PRKN: variants seen among roughly 807,000 people sequenced by gnomAD.
PRKN encodes parkin RBR E3 ubiquitin protein ligase, also known as E3 ubiquitin-protein ligase parkin.
Under a neutral mutation model 59.5 loss-of-function variants are expected in PRKN, and 56 were observed. The ratio of observed to expected loss-of-function variants is 0.94; its 90% CI spans 0.76 to 1.18. The LOEUF (loss-of-function observed/expected upper bound fraction) is 1.18, where lower values mean the gene tolerates loss of function less well. PRKN is among the 50% of genes most tolerant of loss of function. The probability of loss-of-function intolerance (pLI) is 0.00; values close to 1 mark genes in which losing one functional copy is unlikely to be tolerated. For synonymous variants in PRKN, 250 were observed against 222.1 expected (o/e 1.13, Z -1.12); for missense variants, 657 against 596.4 (o/e 1.10, Z -1.06).
intron 1 of PRKN, among the ~76,000 whole-genome samples, chr6:162,715,264 G>A (rs974368492): frequency 6.6e-6 from 1 of 152,140 alleles, no homozygotes; most frequent in Non-Finnish European, 1.5e-5. Context: ...CCGGAGGCAA[G>A]GACAAAGGTC....
chr6:161,712,871 T>TG (rs1286880694), intron 7 of PRKN, among the ~76,000 whole-genome samples: 5 of 151,972 alleles, frequency 3.3e-5, no homozygotes, highest in Non-Finnish European at 7.4e-5. Flanking sequence ...CAGATGGTGG[T>TG]GGGGGGGACT....
chr6:161,863,895 A>C (rs1794006545), intron 6 of PRKN, among the ~76,000 whole-genome samples: 1 of 152,216 alleles, frequency 6.6e-6, no homozygotes, highest in African/African-American at 2.4e-5. Context: ...AGTCATATTA[A>C]GTGTACAAGA....
chr6:162,296,232 C>T (rs1781670769), intron 2 of PRKN, among the ~76,000 whole-genome samples: 2 of 73,354 alleles, frequency 2.7e-5, no homozygotes, highest in East Asian at 4.5e-4. Context: ...CCCTTCTATG[C>T]CCCCCACCCC....
At chr6:162,504,076 A>C (rs1293622984) in intron 1 of PRKN, among the ~76,000 whole-genome samples, 1 of 152,056 alleles carries the variant, frequency 6.6e-6, no homozygotes, top group East Asian at 1.9e-4. Context: ...ACACAGAGAG[A>C]GAGAGAGAGA....
At position 162,165,376 on chromosome 6, in the gene PRKN, C is replaced by T. The variant is rs184999534; in HGVS notation, c.534+35755G>A. ...TATGAAGAAAATGAATTACCAAACT[C>T]CAGACTATAAGAAAATAGTTCCAAA... On this transcript the variant is annotated intron_variant, in intron 4 of 11. Coordinates refer to ENST00000366898, the MANE Select transcript of PRKN (RefSeq NM_004562.3). 2.0e-5 allele frequency among the ~76,000 whole-genome samples: 3 copies of T among 149,290 alleles called. 1 individual carries two copies. The East Asian group carries it at 5.8e-4, about 29-fold the overall frequency.
chr6:162,472,224 C>T (rs1306611180), intron 1 of PRKN, among the ~76,000 whole-genome samples: 3 of 151,526 alleles, frequency 2.0e-5, no homozygotes, highest in African/African-American at 7.3e-5. Context: ...TTTTTATATA[C>T]TTTAAGTTCT....
intron 8 of PRKN, among the ~76,000 whole-genome samples, chr6:161,565,347 A>C (rs1780601183): frequency 6.6e-6 from 1 of 151,904 alleles, no homozygotes; most frequent in South Asian, 2.1e-4. Context: ...CACCCTCCTA[A>C]ATGACAATTT....
intron 7 of PRKN, among the ~76,000 whole-genome samples, chr6:161,572,954 C>T (rs1013225484): frequency 1.3e-5 from 2 of 152,182 alleles, no homozygotes; most frequent in Non-Finnish European, 2.9e-5. Context: ...ACAAAAACTG[C>T]TGTGAAATTC....
Position 161,865,801 on chromosome 6 carries a change from T to A in PRKN, c.735-79893A>T, listed in dbSNP as rs147112709. Among the ~76,000 whole-genome samples, 7 of 152,332 alleles carry A rather than the reference T, an allele frequency of 4.6e-5. No homozygotes were observed. In the East Asian group the frequency reaches 9.7e-4, roughly 21 times the overall value. ...TTTCCATATCAGCGATAAGGCTGTT[T>A]CACTTTCTTAACATTCACGTGTTCA... On this transcript the variant is annotated intron_variant, in intron 6 of 11. Transcript: ENST00000366898.
intron 3 of PRKN, among the ~76,000 whole-genome samples, chr6:162,218,731 A>T (rs1262792196): frequency 6.6e-6 from 1 of 152,106 alleles, no homozygotes; most frequent in Non-Finnish European, 1.5e-5. Flanking sequence ...GGAACCTAAC[A>T]GTGAAGCTCC....
chr6:162,587,826 G>T (rs1389992776), intron 1 of PRKN, among the ~76,000 whole-genome samples: 1 of 151,994 alleles, frequency 6.6e-6, no homozygotes, highest in African/African-American at 2.4e-5. Context: ...CTAGCAAAAT[G>T]AAAGCTTTAC....
intron 1 of PRKN, among the ~76,000 whole-genome samples, chr6:162,501,898 G>A (rs1427924387): frequency 6.8e-6 from 1 of 146,886 alleles, no homozygotes; most frequent in African/African-American, 2.5e-5. Flanking sequence ...ACCTCTTCAG[G>A]CTCCACTTGT....
At chr6:161,368,240 C>T (rs931757370) in intron 10 of PRKN, among the ~76,000 whole-genome samples, 1 of 116,618 alleles carries the variant, frequency 8.6e-6, no homozygotes, top group Non-Finnish European at 1.9e-5. Flanking sequence ...ATGGTGAAAC[C>T]CTGTCTCTAC....
At chr6:161,381,638 C>A (rs1281089744) in intron 10 of PRKN, among the ~76,000 whole-genome samples, 3 of 152,156 alleles carry the variant, frequency 2.0e-5, no homozygotes, top group Admixed American at 6.5e-5. Flanking sequence ...GAGACATAAT[C>A]CAGCCCTGAA....
intron 7 of PRKN, among the ~76,000 whole-genome samples, chr6:161,656,449 AC>A (rs1476925434): frequency 4.6e-5 from 7 of 152,080 alleles, no homozygotes; most frequent in African/African-American, 1.4e-4. Context: ...TCCTAAGCTA[AC>A]CCCACAGGAC....
Position 161,764,714 on chromosome 6 carries a change from A to G in PRKN, c.871+21058T>C, listed in dbSNP as rs531126473. Among the ~76,000 whole-genome samples the G allele has an allele frequency of 3.9e-5, 6 of 152,346 alleles. No individual in the cohort carries two copies. In the South Asian group the frequency reaches 1.0e-3, roughly 26 times the overall value. On this transcript the variant is annotated intron_variant, in intron 7 of 11. Coordinates refer to ENST00000366898, the MANE Select transcript of PRKN (RefSeq NM_004562.3). ...TTGCAATTTAGAAATCTATCTCCCT[A>G]CAATGTAGCTGTAGTCTCAGAAGGA...
At chr6:162,596,891 C>A (rs1255422138) in intron 1 of PRKN, among the ~76,000 whole-genome samples, 1 of 152,150 alleles carries the variant, frequency 6.6e-6, no homozygotes, top group Non-Finnish European at 1.5e-5. Context: ...CATGGGGAAT[C>A]CGATCCCCGC....
At chr6:161,813,803 G>A (rs752181241) in intron 6 of PRKN, among the ~76,000 whole-genome samples, 10 of 152,272 alleles carry the variant, frequency 6.6e-5, no homozygotes, top group African/African-American at 1.7e-4. Flanking sequence ...CTGGAGCTGC[G>A]GCAGCACTAA....
intron 4 of PRKN, among the ~76,000 whole-genome samples, chr6:162,071,133 A>G (rs1778558589): frequency 6.6e-6 from 1 of 151,640 alleles, no homozygotes; most frequent in Admixed American, 6.6e-5. Flanking sequence ...ATTTCACTGG[A>G]CGGTATTCGA....
Sources: gnomAD v4.1 joint callset for allele counts (sites outside exome capture counted in the v4.1 genomes callset) on GRCh38, gnomAD v4.1.1 for gene constraint, MANE v1.5 for transcripts, NCBI Gene and HGNC (gene_info 2026-07-23, HGNC 2026-07-21) for gene names.